The following THSD4 variants were observed in gnomAD, a reference collection of about 807,000 sequenced individuals.
The protein encoded by THSD4 is thrombospondin type 1 domain containing 4.
Under a neutral mutation model 119.0 loss-of-function variants are expected in THSD4, and 69 were observed. The ratio of observed to expected loss-of-function variants is 0.58; its 90% CI spans 0.48 to 0.71. THSD4 has a LOEUF of 0.71. Among genes scored for constraint, THSD4 ranks in the 30% least tolerant of loss-of-function variants. THSD4 has a pLI of 0.00. For synonymous variants in THSD4, 524 were observed against 540.4 expected, an observed-to-expected ratio of 0.97 and a Z score of 0.42; for missense variants, 1,393 against 1,391.1, an observed-to-expected ratio of 1.00 and a Z score of -0.02.
chr15:71,543,485 A>G (rs1011815746), intron 7 of THSD4, among the ~76,000 whole-genome samples: 1 of 152,184 alleles, frequency 6.6e-6, no homozygotes, highest in Non-Finnish European at 1.5e-5. Flanking sequence ...ATCAGACCCA[A>G]TGATGGTTTG....
At chr15:71,684,569 A>C (rs1240664599) in intron 8 of THSD4, among the ~76,000 whole-genome samples, 1 of 150,080 alleles carries the variant, frequency 6.7e-6, no homozygotes, top group African/African-American at 2.5e-5. Flanking sequence ...GCACCTACTT[A>C]CGTTATTTTT....
Position 71,777,706 on chromosome 15 carries a change from G to C in THSD4, c.*332G>C. 1 of 316,306 alleles carries C rather than the reference G, an allele frequency of 3.2e-6. No homozygotes were observed. The highest frequency in any genetic ancestry group is 6.1e-6 in the Non-Finnish European group (1 of 164,176). 19.6% of individuals were successfully genotyped at this position (316,306 alleles called of 1,614,324 possible). On this transcript the variant is annotated 3_prime_UTR_variant, in exon 18 of 18. Transcript: ENST00000261862. ...GCTCCCATCTGGCACCTTCAAGTCA[G>C]CAGATGGGCCACTGACTGAGCACTG...
At chr15:71,742,576 A>C (rs908614793) in intron 11 of THSD4, among the ~76,000 whole-genome samples, 1 of 152,190 alleles carries the variant, frequency 6.6e-6, no homozygotes, top group African/African-American at 2.4e-5. Context: ...GATCTCGAAT[A>C]GTTTTCCTGC....
At chr15:71,466,357 A>G (rs992076358) in intron 7 of THSD4, among the ~76,000 whole-genome samples, 5 of 144,398 alleles carry the variant, frequency 3.5e-5, no homozygotes, top group African/African-American at 1.0e-4. Flanking sequence ...AAAAAAAAAA[A>G]AGGAAAATAG....
intron 11 of THSD4, among the ~76,000 whole-genome samples, chr15:71,739,186 G>A (rs1480692675): frequency 1.3e-5 from 2 of 151,344 alleles, no homozygotes; most frequent in African/African-American, 2.4e-5. Flanking sequence ...ATACTATCCC[G>A]GTAAAATCCC....
At chr15:71,649,563 C>CA (rs2051041935) in intron 7 of THSD4, among the ~76,000 whole-genome samples, 1 of 152,166 alleles carries the variant, frequency 6.6e-6, no homozygotes, top group African/African-American at 2.4e-5. Flanking sequence ...AGGCATGAGC[C>CA]GTGCACCAGC....
chr15:71,281,831 A>G (rs967060880), intron 6 of THSD4, among the ~76,000 whole-genome samples: 4 of 152,220 alleles, frequency 2.6e-5, no homozygotes, highest in Non-Finnish European at 5.9e-5. Flanking sequence ...TGTATCTTAG[A>G]TGACTAATTT....
intron 7 of THSD4, among the ~76,000 whole-genome samples, chr15:71,619,126 C>T (rs893197903): frequency 1.3e-5 from 2 of 151,886 alleles, no homozygotes; most frequent in African/African-American, 4.8e-5. Flanking sequence ...CCCACCACCA[C>T]GCCCGGCTAA....
intron 7 of THSD4, among the ~76,000 whole-genome samples, chr15:71,606,486 A>G (rs2050111676): frequency 7.2e-6 from 1 of 138,210 alleles, no homozygotes; most frequent in African/African-American, 2.7e-5. Flanking sequence ...AACTGCTCAG[A>G]GGAATAAGAC....
At chr15:71,294,225 T>C (rs2044830535) in intron 6 of THSD4, among the ~76,000 whole-genome samples, 1 of 152,226 alleles carries the variant, frequency 6.6e-6, no homozygotes, top group African/African-American at 2.4e-5. Flanking sequence ...TTCTGTTTCT[T>C]CTGTCTTCTT....
intron 7 of THSD4, among the ~76,000 whole-genome samples, chr15:71,512,215 A>G (rs553780921): frequency 6.5e-4 from 99 of 152,298 alleles, no homozygotes; most frequent in Admixed American, 9.2e-4. Flanking sequence ...GCAACTTCCA[A>G]TGTTTTGAGG....
At chr15:71,647,757 G>T (rs992238714) in intron 7 of THSD4, among the ~76,000 whole-genome samples, 5 of 152,200 alleles carry the variant, frequency 3.3e-5, no homozygotes, top group African/African-American at 1.2e-4. Context: ...GTGAGAGGAA[G>T]GGTGGTGTTA....
At chr15:71,446,959 C>A (rs893836252) in intron 7 of THSD4, among the ~76,000 whole-genome samples, 1 of 152,032 alleles carries the variant, frequency 6.6e-6, no homozygotes, top group African/African-American at 2.4e-5. Flanking sequence ...TGTAGCCTGT[C>A]ACTGGCACAG....
chr15:71,580,269 G>C (rs1183945298), intron 7 of THSD4, among the ~76,000 whole-genome samples: 5 of 152,116 alleles, frequency 3.3e-5, no homozygotes, highest in Non-Finnish European at 7.4e-5. Context: ...GTGACATTGG[G>C]AAAGAAGTTA....
intron 5 of THSD4, among the ~76,000 whole-genome samples, chr15:71,246,292 C>A (rs549037154): frequency 3.9e-5 from 6 of 152,172 alleles, no homozygotes; most frequent in African/African-American, 1.4e-4. Flanking sequence ...GGCATACCCC[C>A]CTTTAGATAG....
chr15:71,305,799 G>A (rs755029543), intron 6 of THSD4, among the ~76,000 whole-genome samples: 1 of 152,006 alleles, frequency 6.6e-6, no homozygotes, highest in Non-Finnish European at 1.5e-5. Flanking sequence ...ACTAACCAAG[G>A]GGCCTGCCCT....
chr15:71,773,825 T>C (rs946307385), intron 17 of THSD4, among the ~76,000 whole-genome samples: 8 of 152,226 alleles, frequency 5.3e-5, no homozygotes, highest in African/African-American at 7.2e-5. Context: ...TGTCAGCTTT[T>C]TGAAATCTGC....
At chr15:71,649,768 G>A (rs1431549325) in intron 7 of THSD4, among the ~76,000 whole-genome samples, 2 of 152,180 alleles carry the variant, frequency 1.3e-5, no homozygotes, top group Non-Finnish European at 2.9e-5. Flanking sequence ...TCCATCTTGA[G>A]TTGATTTTTT....
intron 3 of THSD4, among the ~76,000 whole-genome samples, chr15:71,199,703 TC>T (rs2043767816): frequency 2.3e-4 from 2 of 8,782 alleles, no homozygotes. Flanking sequence ...GTGTGTGGTG[TC>T]TGGGTGTGTG....
Sources: allele counts gnomAD v4.1 joint callset (sites outside exome capture counted in the v4.1 genomes callset), GRCh38; gene constraint gnomAD v4.1.1; transcripts MANE v1.5; gene names NCBI Gene and HGNC (gene_info 2026-07-23, HGNC 2026-07-21).